The following CMSS1 variants were observed in gnomAD, a reference collection of about 807,000 sequenced individuals.
CMSS1 encodes the protein protein CMSS1.
A neutral mutation model predicts 43.5 loss-of-function variants in CMSS1; 33 were observed. The ratio of observed to expected loss-of-function variants is 0.76; its 90% CI spans 0.57 to 1.01. The LOEUF (loss-of-function observed/expected upper bound fraction) is 1.01. CMSS1 is among the 50% of genes least tolerant of loss of function. The probability of loss-of-function intolerance (pLI) is 0.00; values close to 1 mark genes in which losing one functional copy is unlikely to be tolerated. For synonymous variants in CMSS1, 115 were observed against 117.2 expected (o/e 0.98, Z 0.12); for missense variants, 313 against 326.4 (o/e 0.96, Z 0.32).
chr3:100,027,947 ATGG>A (rs571801961), intron 1 of CMSS1, among the ~76,000 whole-genome samples: 104 of 152,298 alleles, frequency 6.8e-4, no homozygotes, highest in Non-Finnish European at 1.3e-3. Context: ...CTTGCAGACC[ATGG>A]TAAGGAGTTT....
chr3:99,856,581 C>T (rs989608986), intron 1 of CMSS1, among the ~76,000 whole-genome samples: 2 of 152,136 alleles, frequency 1.3e-5, no homozygotes, highest in African/African-American at 4.8e-5. Context: ...TACAGCTTTC[C>T]GTTAGAGTTT....
chr3:99,929,742 A>T, intron 1 of CMSS1: 1 of 703,166 alleles, frequency 1.4e-6, no homozygotes, highest in Non-Finnish European at 2.2e-6. Context: ...TGTAGGCTTT[A>T]AGTGCGTTAG....
At chr3:100,036,992 A>G (rs748786861) in intron 1 of CMSS1, among the ~76,000 whole-genome samples, 2 of 152,222 alleles carry the variant, frequency 1.3e-5, no homozygotes, top group Non-Finnish European at 2.9e-5. Context: ...CCTGAAACAC[A>G]TAAATAAAGC....
intron 1 of CMSS1, among the ~76,000 whole-genome samples, chr3:99,974,833 G>A (rs1708923719): frequency 6.6e-6 from 1 of 152,136 alleles, no homozygotes; most frequent in Admixed American, 6.5e-5. Context: ...TAGTCCTTAG[G>A]AGATGAACAT....
intron 3 of CMSS1, 150 bp downstream of exon 3, chr3:100,160,651 G>A: frequency 1.8e-6 from 1 of 570,904 alleles, no homozygotes; most frequent in Non-Finnish European, 3.2e-6. Flanking sequence ...CTTTCCTAAG[G>A]TCACTACTAA....
At chr3:99,842,058 C>T (rs1473480798) in intron 1 of CMSS1, among the ~76,000 whole-genome samples, 1 of 152,020 alleles carries the variant, frequency 6.6e-6, no homozygotes, top group Non-Finnish European at 1.5e-5. Flanking sequence ...GCACAATTCG[C>T]AATTGCAAAA....
chr3:99,947,139 A>AAC (rs1708035448), intron 1 of CMSS1, among the ~76,000 whole-genome samples: 1 of 149,388 alleles, frequency 6.7e-6, no homozygotes, highest in Non-Finnish European at 1.5e-5. Context: ...CTCTGTCTCA[A>AAC]AAAAAAAAAA....
intron 1 of CMSS1, among the ~76,000 whole-genome samples, chr3:99,991,530 GC>G (rs1406919578): frequency 6.6e-6 from 1 of 151,806 alleles, no homozygotes; most frequent in African/African-American, 2.4e-5. Flanking sequence ...TCAAGTCTGG[GC>G]TTTTAGTGTA....
chr3:100,075,122 G>T (rs1227351786), intron 1 of CMSS1, among the ~76,000 whole-genome samples: 1 of 151,942 alleles, frequency 6.6e-6, no homozygotes, highest in Non-Finnish European at 1.5e-5. Flanking sequence ...TTATCCTGGG[G>T]TCAAACCCAG....
intron 1 of CMSS1, among the ~76,000 whole-genome samples, chr3:100,076,401 A>C (rs2065851306): frequency 6.6e-6 from 1 of 152,166 alleles, no homozygotes; most frequent in South Asian, 2.1e-4. Flanking sequence ...CCACCCGCCC[A>C]ACACCCTTCT....
chr3:99,885,759 A>C lies in CMSS1; in HGVS notation c.64+67716A>C, dbSNP rs145466480. ...CCTTCTTCTTCCCTCCTCTCTGCCC[A>C]AAAGACACACACACAAACACACACA... is the stretch of plus-strand genomic sequence containing the variant. On this transcript the variant is annotated intron_variant, in intron 1 of 9. Transcript: ENST00000421999. Among the ~76,000 whole-genome samples, 1,100 of 152,250 alleles carry C rather than the reference A, an allele frequency of 7.2e-3. 19 individuals carry two copies. Among genetic ancestry groups the C allele is most frequent in the African/African-American group, 0.024 (1,015 of 41,564 alleles).
At chr3:99,863,400 G>A (rs1576525387) in intron 1 of CMSS1, among the ~76,000 whole-genome samples, 1 of 152,230 alleles carries the variant, frequency 6.6e-6, no homozygotes, top group Non-Finnish European at 1.5e-5. Flanking sequence ...TCCTGTACGT[G>A]GGGACTCAAA....
chr3:99,873,324 C>T (rs1167914037), intron 1 of CMSS1, among the ~76,000 whole-genome samples: 1 of 152,134 alleles, frequency 6.6e-6, no homozygotes, highest in Admixed American at 6.5e-5. Flanking sequence ...ATATGTCCAA[C>T]AGATAAGGTA....
intron 1 of CMSS1, among the ~76,000 whole-genome samples, chr3:99,897,084 CA>C (rs1402535246): frequency 6.6e-6 from 1 of 152,122 alleles, no homozygotes; most frequent in Non-Finnish European, 1.5e-5. Flanking sequence ...TTTGGCCAAG[CA>C]TGGTGGCTCA....
intron 1 of CMSS1, among the ~76,000 whole-genome samples, chr3:100,035,850 CAT>C (rs932618040): frequency 3.5e-4 from 53 of 152,184 alleles, no homozygotes; most frequent in Non-Finnish European, 7.2e-4. Flanking sequence ...CTTTCCCCCA[CAT>C]TGGATTCTTT....
intron 1 of CMSS1, among the ~76,000 whole-genome samples, chr3:99,983,519 T>TAC (rs1709234157): frequency 8.1e-6 from 1 of 123,328 alleles, no homozygotes; most frequent in African/African-American, 3.2e-5. Flanking sequence ...TGTATATATA[T>TAC]ACACACACAA....
chr3:99,929,935 A>G (rs1707423524), intron 1 of CMSS1: 2 of 1,614,088 alleles, frequency 1.2e-6, no homozygotes, highest in Non-Finnish European at 1.7e-6. Flanking sequence ...GAGAGCCTCT[A>G]ACACCTTTTT....
intron 1 of CMSS1, among the ~76,000 whole-genome samples, chr3:99,865,355 ATATAT>A (rs1462010198): frequency 2.0e-5 from 3 of 152,000 alleles, no homozygotes. Flanking sequence ...TTCCTATCTC[ATATAT>A]TATATCTCAT....
intron 8 of CMSS1, 81 bp downstream of exon 8, chr3:100,172,484 A>C: frequency 9.4e-7 from 1 of 1,059,004 alleles, no homozygotes; most frequent in Non-Finnish European, 1.4e-6. Flanking sequence ...AACTAAATTC[A>C]GGATATACAA....
Sources: gnomAD v4.1 joint callset for allele counts (sites outside exome capture counted in the v4.1 genomes callset) on GRCh38, gnomAD v4.1.1 for gene constraint, MANE v1.5 for transcripts, NCBI Gene and HGNC (gene_info 2026-07-23, HGNC 2026-07-21) for gene names.